Variants in TNR observed in about 807,000 individuals in gnomAD.
The protein encoded by TNR is tenascin-R.
Under a neutral mutation model 150.4 loss-of-function variants are expected in TNR, and 45 were observed. The ratio of observed to expected loss-of-function variants is 0.30; its 90% confidence interval spans 0.24 to 0.38. The LOEUF (loss-of-function observed/expected upper bound fraction) is 0.38, where lower values mean the gene tolerates loss of function less well. TNR is among the 10% of genes least tolerant of loss of function. The probability of loss-of-function intolerance (pLI) is 1.00; values close to 1 mark genes in which losing one functional copy is unlikely to be tolerated. For synonymous variants in TNR, 687 were observed against 678.4 expected, an observed-to-expected ratio of 1.01 and a Z score of -0.20; for missense variants, 1,544 against 1,759.1, an observed-to-expected ratio of 0.88 and a Z score of 2.19.
intron 1 of TNR, among the ~76,000 whole-genome samples, chr1:175,589,550 A>G (rs1662712857): frequency 6.6e-6 from 1 of 152,222 alleles, no homozygotes; most frequent in African/African-American, 2.4e-5. Context: ...AAGTATGCAT[A>G]TAATTAATGC....
chr1:175,724,893 A>G (rs1307494089), intron 1 of TNR, among the ~76,000 whole-genome samples: 1 of 152,026 alleles, frequency 6.6e-6, no homozygotes, highest in Non-Finnish European at 1.5e-5. Flanking sequence ...AGGAAGAAGG[A>G]AAAAGGGGAA....
Position 175,491,343 on chromosome 1 carries a change from T to G in TNR, c.-64+36926A>C, listed in dbSNP as rs549263075. Among the ~76,000 whole-genome samples, 13 of 152,238 alleles carry G rather than the reference T, an allele frequency of 8.5e-5. No homozygotes were observed. In the East Asian group the frequency reaches 2.5e-3, roughly 29 times the overall value. On this transcript the variant is annotated intron_variant, in intron 2 of 22. Coordinates refer to ENST00000367674, the MANE Select transcript of TNR (RefSeq NM_003285.3). ...CACCTATTTACCTATGAAACAAACT[T>G]GTGCACCTAACACATGTACCCCTGA...
chr1:175,577,133 G>C (rs1342256187), intron 1 of TNR, among the ~76,000 whole-genome samples: 3 of 152,118 alleles, frequency 2.0e-5, no homozygotes, highest in Non-Finnish European at 4.4e-5. Flanking sequence ...AGCATATATA[G>C]GGTACAAGAT....
chr1:175,388,555 A>G (rs1444169400), intron 7 of TNR, among the ~76,000 whole-genome samples: 1 of 152,194 alleles, frequency 6.6e-6, no homozygotes, highest in Non-Finnish European at 1.5e-5. Context: ...AAAACAGCAC[A>G]CAGGATTGGG....
intron 1 of TNR, among the ~76,000 whole-genome samples, chr1:175,696,314 C>A (rs1161452045): frequency 6.8e-6 from 1 of 147,692 alleles, no homozygotes; most frequent in Non-Finnish European, 1.5e-5. Context: ...GGCGGGCCAG[C>A]TGGGAGTGCC....
At chr1:175,681,466 T>C (rs185281825) in intron 1 of TNR, among the ~76,000 whole-genome samples, 1 of 151,734 alleles carries the variant, frequency 6.6e-6, no homozygotes, top group Non-Finnish European at 1.5e-5. Flanking sequence ...GAGCGAGGAG[T>C]GTGGAGGAAG....
At chr1:175,661,636 A>T (rs1256386290) in intron 1 of TNR, among the ~76,000 whole-genome samples, 1 of 152,150 alleles carries the variant, frequency 6.6e-6, no homozygotes, top group Non-Finnish European at 1.5e-5. Context: ...TGTTCTGCAA[A>T]TCCCTAATCA....
chr1:175,365,567 C>T (rs1651797934), intron 11 of TNR, among the ~76,000 whole-genome samples: 2 of 152,092 alleles, frequency 1.3e-5, no homozygotes, highest in East Asian at 3.9e-4. Flanking sequence ...TTATATGATC[C>T]CATGGATCCT....
intron 1 of TNR, among the ~76,000 whole-genome samples, chr1:175,694,723 C>A (rs1666461612): frequency 6.6e-6 from 1 of 152,128 alleles, no homozygotes; most frequent in Non-Finnish European, 1.5e-5. Flanking sequence ...GGGCCCTAAT[C>A]CCCTATGGCT....
chr1:175,389,065 G>T (rs1653057264), intron 7 of TNR, among the ~76,000 whole-genome samples: 1 of 152,106 alleles, frequency 6.6e-6, no homozygotes, highest in Non-Finnish European at 1.5e-5. Flanking sequence ...GGAATAACTT[G>T]GGCACCTTGT....
intron 2 of TNR, among the ~76,000 whole-genome samples, chr1:175,511,280 C>T (rs562139934): frequency 6.6e-6 from 1 of 152,196 alleles, no homozygotes; most frequent in Non-Finnish European, 1.5e-5. Flanking sequence ...ATTTGCTTCA[C>T]TTTAAATTCA....
At chr1:175,351,724 C>T (rs770600442) in intron 18 of TNR, among the ~76,000 whole-genome samples, 2 of 152,224 alleles carry the variant, frequency 1.3e-5, no homozygotes, top group Non-Finnish European at 2.9e-5. Flanking sequence ...GTTTGGTATA[C>T]ATGAGTGACT....
Position 175,575,052 on chromosome 1 carries a change from G to T in TNR, c.-164-46683C>A, listed in dbSNP as rs555832166. Among the ~76,000 whole-genome samples the T allele has an allele frequency of 3.2e-4, 49 of 152,320 alleles. No individual in the cohort carries two copies. In the South Asian group the frequency reaches 0.01, roughly 32 times the overall value. On this transcript the variant is annotated intron_variant, in intron 1 of 22. Coordinates refer to ENST00000367674, the MANE Select transcript of TNR (RefSeq NM_003285.3). ...TATCTCTTGCTCTCTGCCTTCTGGA[G>T]GCCTGGCAGGATTGCACTTTCTGGC...
At chr1:175,709,075 C>T (rs1331530869) in intron 1 of TNR, among the ~76,000 whole-genome samples, 1 of 152,060 alleles carries the variant, frequency 6.6e-6, no homozygotes, top group Non-Finnish European at 1.5e-5. Context: ...AAGGCCTTTC[C>T]ATGAGATGAC....
At chr1:175,355,976 C>T (rs1651306691) in intron 16 of TNR, among the ~76,000 whole-genome samples, 1 of 152,180 alleles carries the variant, frequency 6.6e-6, no homozygotes, top group Non-Finnish European at 1.5e-5. Flanking sequence ...TTACCTATGT[C>T]TACTTTCTCC....
At chr1:175,448,217 CTTTTAT>C (rs1164801371) in intron 2 of TNR, among the ~76,000 whole-genome samples, 1 of 151,562 alleles carries the variant, frequency 6.6e-6, no homozygotes, top group African/African-American at 2.4e-5. Flanking sequence ...AGGGATTTTA[CTTTTAT>C]TTTTATTTTT....
chr1:175,595,976 G>GAGA (rs10645386), intron 1 of TNR, among the ~76,000 whole-genome samples: 26,763 of 151,904 alleles, frequency 0.18, 3,752 homozygotes, highest in African/African-American at 0.39. Context: ...TATGATAATG[G>GAGA]AGGAGGGGCT....
rs146997908 is a variant in TNR at position 175,693,892 on chromosome 1, T to C, written c.-165+49334A>G. 2.1e-4 allele frequency among the ~76,000 whole-genome samples: 32 copies of C among 152,362 alleles called. No individual in the cohort carries two copies. In the East Asian group the frequency reaches 6.0e-3, roughly 28 times the overall value. On this transcript the variant is annotated intron_variant, in intron 1 of 22. Coordinates refer to ENST00000367674, the MANE Select transcript of TNR (RefSeq NM_003285.3). ...GAAGTACATTTCAACTGCTCTCTTG[T>C]CCTTAACTTATTCATGTATATAAAA...
chr1:175,390,018 T>C lies in TNR; in HGVS notation c.1507+1270A>G, dbSNP rs578028791. 3.9e-4 allele frequency among the ~76,000 whole-genome samples: 59 copies of C among 152,224 alleles called. 1 individual carries two copies. The Middle Eastern group carries it at 0.02, about 53-fold the overall frequency. On this transcript the variant is annotated intron_variant, in intron 7 of 22. Transcript: ENST00000367674. ...ACAGATCAAAGTGGAGCTGTCCTGG[T>C]TGGAGGCATGAAAGAGGGAGTAATT...
Sources: allele counts gnomAD v4.1 joint callset (sites outside exome capture counted in the v4.1 genomes callset), GRCh38; gene constraint gnomAD v4.1.1; transcripts MANE v1.5; gene names NCBI Gene and HGNC (gene_info 2026-07-23, HGNC 2026-07-21).